The following CENPP variants were observed in gnomAD, a reference collection of about 807,000 sequenced individuals.
CENPP encodes the protein centromere protein P.
A neutral mutation model predicts 35.6 loss-of-function variants in CENPP; 24 were observed. The ratio of observed to expected loss-of-function variants is 0.67; its 90% CI spans 0.49 to 0.95. CENPP has a LOEUF of 0.95. Among genes scored for constraint, CENPP ranks in the 40% least tolerant of loss-of-function variants. The probability of loss-of-function intolerance (pLI) is 0.00; values close to 1 mark genes in which losing one functional copy is unlikely to be tolerated. For synonymous variants in CENPP, 120 were observed against 125.5 expected, an observed-to-expected ratio of 0.96 and a Z score of 0.29; for missense variants, 332 against 345.3, an observed-to-expected ratio of 0.96 and a Z score of 0.31.
At chr9:92,336,404 T>G (rs1198685817) in intron 2 of CENPP, among the ~76,000 whole-genome samples, 1 of 152,210 alleles carries the variant, frequency 6.6e-6, no homozygotes, top group Non-Finnish European at 1.5e-5. Context: ...AATACCCGTC[T>G]CGTATTCTGC....
intron 5 of CENPP, among the ~76,000 whole-genome samples, chr9:92,390,481 C>G (rs1252607701): frequency 6.6e-6 from 1 of 152,156 alleles, no homozygotes; most frequent in Non-Finnish European, 1.5e-5. Context: ...ATCTTAATCT[C>G]TCTATGCCTT....
chr9:92,453,655 C>T (rs989725485), intron 5 of CENPP, among the ~76,000 whole-genome samples: 1 of 152,068 alleles, frequency 6.6e-6, no homozygotes, highest in Non-Finnish European at 1.5e-5. Context: ...GACTTTAACA[C>T]CCCACTGTCA....
intron 5 of CENPP, among the ~76,000 whole-genome samples, chr9:92,392,653 A>G (rs1276131080): frequency 6.6e-6 from 1 of 152,128 alleles, no homozygotes; most frequent in Non-Finnish European, 1.5e-5. Context: ...AACACTTCCC[A>G]AGATATTTTT....
At chr9:92,394,076 T>C (rs956561963) in intron 5 of CENPP, among the ~76,000 whole-genome samples, 2 of 152,210 alleles carry the variant, frequency 1.3e-5, no homozygotes, top group African/African-American at 2.4e-5. Context: ...TACTTTCATA[T>C]ACTAGTTTTA....
In CENPP at chr9:92,390,122, A is replaced by G. The variant is rs1842611701; in HGVS notation, c.564+10263A>G. On this transcript the variant is annotated intron_variant, in intron 5 of 7. Transcript: ENST00000375587. Reference sequence around the variant, plus strand: ...ATTCTTATTGTATGGACTGAAGAAAAGCATTTGTTTAACAGATCACTCAAG... The same window carrying G: ...ATTCTTATTGTATGGACTGAAGAAAGGCATTTGTTTAACAGATCACTCAAG... 19 of 926,722 alleles carry G rather than the reference A, an allele frequency of 2.1e-5. No homozygotes were observed. The South Asian group carries it at 2.8e-4, about 14-fold the overall frequency. 57.4% of individuals were successfully genotyped at this position (926,722 alleles called of 1,614,324 possible).
At chr9:92,477,037 A>T (rs1373994395) in intron 5 of CENPP, among the ~76,000 whole-genome samples, 2 of 152,242 alleles carry the variant, frequency 1.3e-5, no homozygotes, top group Admixed American at 1.3e-4. Context: ...TGATTGTGTG[A>T]TCAGATTTGT....
chr9:92,459,607 A>C, intron 5 of CENPP: 1 of 1,608,370 alleles, frequency 6.2e-7, no homozygotes, highest in South Asian at 1.1e-5. Flanking sequence ...ACCAATATCT[A>C]CTGAACACAA....
chr9:92,514,952 T>C (rs1467490473), intron 5 of CENPP: 4 of 1,614,154 alleles, frequency 2.5e-6, no homozygotes, highest in Non-Finnish European at 3.4e-6. Flanking sequence ...CCTCCTCTGC[T>C]GTCCCCCTCA....
intron 5 of CENPP, among the ~76,000 whole-genome samples, chr9:92,507,617 G>C (rs1847084193): frequency 6.6e-6 from 1 of 152,192 alleles, no homozygotes; most frequent in Non-Finnish European, 1.5e-5. Flanking sequence ...GACAGGCTGT[G>C]GACATGGCAG....
At chr9:92,552,326 G>A (rs534141117) in intron 5 of CENPP, among the ~76,000 whole-genome samples, 10 of 151,886 alleles carry the variant, frequency 6.6e-5, no homozygotes, top group South Asian at 2.1e-4. Flanking sequence ...TATCTTTTTC[G>A]AATAATGATT....
intron 5 of CENPP, among the ~76,000 whole-genome samples, chr9:92,538,621 T>G (rs1849244671): frequency 6.6e-6 from 1 of 152,198 alleles, no homozygotes; most frequent in Non-Finnish European, 1.5e-5. Flanking sequence ...GCTCTAAAAT[T>G]TTGTGGTTTA....
chr9:92,394,302 G>T (rs2130906736), intron 5 of CENPP, among the ~76,000 whole-genome samples: 1 of 152,032 alleles, frequency 6.6e-6, no homozygotes, highest in East Asian at 1.9e-4. Context: ...GAGTGTGGTG[G>T]TGTGATCTTG....
rs1017029541 is a variant in CENPP at position 92,385,658 on chromosome 9, T to C, written c.564+5799T>C. On this transcript the variant is annotated intron_variant, in intron 5 of 7. Transcript: ENST00000375587. ...CCTATCGGTAATCTTTTTAAGCAAATAAAACTGTTTGGATGCTTTCCCAGG... is the reference window on the plus strand; with the variant it reads ...CCTATCGGTAATCTTTTTAAGCAAACAAAACTGTTTGGATGCTTTCCCAGG... 2.5e-6 allele frequency: 4 copies of C among 1,614,052 alleles called. No homozygotes were observed. The African/African-American group carries it at 5.3e-5, about 22-fold the overall frequency.
intron 5 of CENPP, among the ~76,000 whole-genome samples, chr9:92,455,172 A>G (rs1844837525): frequency 6.6e-6 from 1 of 152,250 alleles, no homozygotes; most frequent in East Asian, 1.9e-4. Flanking sequence ...TAAGGCTTGG[A>G]GGATTACTTG....
At chr9:92,457,866 C>T (rs1844942852) in intron 5 of CENPP, among the ~76,000 whole-genome samples, 1 of 151,966 alleles carries the variant, frequency 6.6e-6, no homozygotes, top group African/African-American at 2.4e-5. Context: ...TTTAAATATA[C>T]ATATTTATGT....
chr9:92,501,536 G>A (rs909694859), intron 5 of CENPP, among the ~76,000 whole-genome samples: 1 of 152,144 alleles, frequency 6.6e-6, no homozygotes, highest in Non-Finnish European at 1.5e-5. Context: ...TGGCACACCT[G>A]GGACTTGAGG....
intron 5 of CENPP, among the ~76,000 whole-genome samples, chr9:92,583,141 T>G (rs1850468212): frequency 6.6e-6 from 1 of 152,222 alleles, no homozygotes; most frequent in East Asian, 1.9e-4. Flanking sequence ...TTGGGTCATG[T>G]GTCCATCCTT....
intron 5 of CENPP, among the ~76,000 whole-genome samples, chr9:92,386,789 G>A (rs1439959205): frequency 6.6e-6 from 1 of 152,008 alleles, no homozygotes; most frequent in Non-Finnish European, 1.5e-5. Context: ...TCACCATGTT[G>A]GCTGGTATGG....
chr9:92,516,626 T>G (rs975015032), intron 5 of CENPP: 3 of 152,206 alleles, frequency 2.0e-5, no homozygotes, highest in African/African-American at 7.2e-5. Flanking sequence ...AAATCCTTCC[T>G]GTATATCCAA....
Sources: gnomAD v4.1 joint callset for allele counts (sites outside exome capture counted in the v4.1 genomes callset) on GRCh38, gnomAD v4.1.1 for gene constraint, MANE v1.5 for transcripts, NCBI Gene and HGNC (gene_info 2026-07-23, HGNC 2026-07-21) for gene names.